The following RAD51B variants were observed in gnomAD, a reference collection of about 807,000 sequenced individuals.
The protein encoded by RAD51B is DNA repair protein RAD51 homolog 2.
RAD51B carries 38 observed loss-of-function variants against 42.2 expected under a neutral mutation model. The ratio of observed to expected loss-of-function variants is 0.90; its 90% CI spans 0.70 to 1.18. RAD51B has a LOEUF of 1.18. Ranked by LOEUF, RAD51B falls within the 50% of genes most tolerant of loss-of-function variation. RAD51B has a pLI of 0.00. For missense variants in RAD51B, 373 were observed against 400.7 expected (o/e 0.93, Z 0.59); for synonymous variants, 154 against 145.2 (o/e 1.06, Z -0.43).
At chr14:68,257,399 A>T (rs1368026499) in intron 7 of RAD51B, among the ~76,000 whole-genome samples, 6 of 152,192 alleles carry the variant, frequency 3.9e-5, no homozygotes, top group Non-Finnish European at 8.8e-5. Context: ...ACAAAAAATT[A>T]AAAATTAAAA....
intron 8 of RAD51B, among the ~76,000 whole-genome samples, chr14:68,343,551 G>A (rs1005836816): frequency 6.6e-6 from 1 of 152,250 alleles, no homozygotes; most frequent in East Asian, 1.9e-4. Flanking sequence ...ATAATTTGCA[G>A]CCTGGCTATG....
chr14:68,000,837 C>T (rs1157543415), intron 7 of RAD51B, among the ~76,000 whole-genome samples: 1 of 152,142 alleles, frequency 6.6e-6, no homozygotes, highest in Non-Finnish European at 1.5e-5. Flanking sequence ...TATCCTCTGT[C>T]TCTGAGAACC....
chr14:67,850,418 T>G (rs1288865961), intron 4 of RAD51B, among the ~76,000 whole-genome samples: 1 of 152,154 alleles, frequency 6.6e-6, no homozygotes, highest in Non-Finnish European at 1.5e-5. Flanking sequence ...CTTAAGAGTA[T>G]GTCGAGTAGG....
chr14:68,439,285 G>A (rs1261004293), intron 9 of RAD51B, among the ~76,000 whole-genome samples: 1 of 152,082 alleles, frequency 6.6e-6, no homozygotes, highest in Non-Finnish European at 1.5e-5. Context: ...CACTCTAGTT[G>A]GGCAGCTCCA....
chr14:68,640,279 G>C (rs61987107), intron 10 of RAD51B, among the ~76,000 whole-genome samples: 9,592 of 152,288 alleles, frequency 0.063, 392 homozygotes, highest in African/African-American at 0.1. Flanking sequence ...ATGGGCTTTA[G>C]AGTCAGAAGA....
intron 9 of RAD51B, among the ~76,000 whole-genome samples, chr14:68,455,609 AC>A (rs2085664456): frequency 6.6e-6 from 1 of 152,106 alleles, no homozygotes; most frequent in East Asian, 1.9e-4. Context: ...AGTCCCAGCT[AC>A]TCGGGAGGCT....
At chr14:68,426,046 TTCTC>T (rs1221192647) in intron 9 of RAD51B, among the ~76,000 whole-genome samples, 13 of 148,808 alleles carry the variant, frequency 8.7e-5, no homozygotes, top group Admixed American at 4.8e-4. Flanking sequence ...CTTTCTCTCT[TTCTC>T]TCTCTCTCTC....
chr14:67,893,356 A>G (rs375165612), intron 7 of RAD51B, among the ~76,000 whole-genome samples: 3 of 151,878 alleles, frequency 2.0e-5, no homozygotes, highest in East Asian at 3.9e-4. Flanking sequence ...GCTGGATCAC[A>G]CCTGAAATCC....
intron 10 of RAD51B, chr14:68,562,647 T>C (rs1799778811): frequency 1.0e-6 from 1 of 985,316 alleles, no homozygotes; most frequent in Admixed American, 6.1e-5. Flanking sequence ...TGTGAGGACC[T>C]AAGCAAATGA....
chr14:68,313,428 G>C (rs1176444197), intron 8 of RAD51B, among the ~76,000 whole-genome samples: 2 of 152,144 alleles, frequency 1.3e-5, no homozygotes, highest in Non-Finnish European at 2.9e-5. Flanking sequence ...TTCATGGGTA[G>C]CTTACAGGGA....
At chr14:68,582,183 C>T (rs1475449135) in intron 10 of RAD51B, among the ~76,000 whole-genome samples, 8 of 152,196 alleles carry the variant, frequency 5.3e-5, no homozygotes, top group Non-Finnish European at 1.5e-5. Flanking sequence ...TAAAGAGCTT[C>T]TGCACAGCAA....
chr14:67,964,739 T>A (rs1243810863), intron 7 of RAD51B, among the ~76,000 whole-genome samples: 1 of 152,174 alleles, frequency 6.6e-6, no homozygotes, highest in Non-Finnish European at 1.5e-5. Flanking sequence ...GAATTAGAGT[T>A]GATGTGACTT....
At chr14:68,555,451 AT>A (rs1888794279) in intron 10 of RAD51B, among the ~76,000 whole-genome samples, 1 of 152,094 alleles carries the variant, frequency 6.6e-6, no homozygotes, top group African/African-American at 2.4e-5. Flanking sequence ...CTTGGAGGGT[AT>A]TTCCAGTGCT....
intron 8 of RAD51B, among the ~76,000 whole-genome samples, chr14:68,341,933 A>C (rs1360511334): frequency 6.6e-6 from 1 of 152,188 alleles, no homozygotes. Context: ...ATCCTGTGGC[A>C]AACAAAAATC....
chr14:67,955,741 C>G (rs1480681359), intron 7 of RAD51B, among the ~76,000 whole-genome samples: 2 of 152,128 alleles, frequency 1.3e-5, no homozygotes, highest in African/African-American at 4.8e-5. Context: ...CACTATAGAA[C>G]AAAGCAGAAT....
At chr14:68,567,074 T>C (rs901433986) in intron 10 of RAD51B, among the ~76,000 whole-genome samples, 1 of 151,704 alleles carries the variant, frequency 6.6e-6, no homozygotes, top group Non-Finnish European at 1.5e-5. Context: ...CCGAGGCGGG[T>C]GGATCACGAG....
intron 8 of RAD51B, among the ~76,000 whole-genome samples, chr14:68,303,323 G>A (rs2081785414): frequency 6.6e-6 from 1 of 152,240 alleles, no homozygotes; most frequent in African/African-American, 2.4e-5. Context: ...TTGGGGGCTA[G>A]GGGAGGTATA....
intron 7 of RAD51B, among the ~76,000 whole-genome samples, chr14:68,092,994 G>C (rs1332795720): frequency 4.7e-5 from 7 of 149,672 alleles, no homozygotes; most frequent in Admixed American, 4.0e-4. Flanking sequence ...TTATATGCTG[G>C]ATTACGTTTA....
chr14:68,091,124 C>G (rs1433912036), intron 7 of RAD51B, among the ~76,000 whole-genome samples: 1 of 151,994 alleles, frequency 6.6e-6, no homozygotes, highest in Admixed American at 6.6e-5. Flanking sequence ...GGGTTGGTCC[C>G]AAGTCTTTGC....
Sources: gnomAD v4.1 joint callset for allele counts (sites outside exome capture counted in the v4.1 genomes callset) on GRCh38, gnomAD v4.1.1 for gene constraint, MANE v1.5 for transcripts, NCBI Gene and HGNC (gene_info 2026-07-23, HGNC 2026-07-21) for gene names.